Variants in LYST observed in about 807,000 individuals in gnomAD.
LYST encodes lysosomal-trafficking regulator.
LYST carries 192 observed loss-of-function variants against 413.6 expected under a neutral mutation model. That is an observed-to-expected ratio of 0.46 (90% confidence interval 0.41 to 0.52). The LOEUF is 0.52. Ranked by LOEUF, LYST falls within the 20% of genes least tolerant of loss-of-function variation. The pLI is 0.00. For missense variants in LYST, 3,815 were observed against 4,499.9 expected, an observed-to-expected ratio of 0.85 and a Z score of 4.35; for synonymous variants, 1,525 against 1,567.3, an observed-to-expected ratio of 0.97 and a Z score of 0.64.
At chr1:235,763,887 C>A (rs538854168) in intron 21 of LYST, among the ~76,000 whole-genome samples, 4 of 152,268 alleles carry the variant, frequency 2.6e-5, no homozygotes, top group African/African-American at 9.6e-5. Flanking sequence ...TCTCATTACT[C>A]TCAAATCCTC....
chr1:235,715,790 T>C (rs756067645), intron 41 of LYST, among the ~76,000 whole-genome samples: 13 of 151,696 alleles, frequency 8.6e-5, no homozygotes, highest in South Asian at 6.2e-4. Flanking sequence ...AGAAATGCAA[T>C]AGAAATGTAA....
At chr1:235,872,733 G>A (rs1277433653) in intron 1 of LYST, among the ~76,000 whole-genome samples, 3 of 152,052 alleles carry the variant, frequency 2.0e-5, no homozygotes, top group African/African-American at 7.2e-5. Flanking sequence ...TGGCCAACAT[G>A]GTGAAACCCC....
chr1:235,841,781 TGGAAGGCCAGAAAC>T (rs1677241916), intron 1 of LYST, among the ~76,000 whole-genome samples: 1 of 151,970 alleles, frequency 6.6e-6, no homozygotes, highest in Non-Finnish European at 1.5e-5. Flanking sequence ...AGAAAACAGG[TGGAAGGCCAGAAAC>T]TGAGGGAGCT....
At chr1:235,805,558 T>C (rs1177549332) in intron 6 of LYST, among the ~76,000 whole-genome samples, 185 bp downstream of exon 6, 4 of 151,008 alleles carry the variant, frequency 2.6e-5, no homozygotes, top group Non-Finnish European at 5.9e-5. Context: ...TGTGTATGTG[T>C]ATATATACAT....
intron 3 of LYST, among the ~76,000 whole-genome samples, chr1:235,825,208 C>A (rs1401806832): frequency 6.6e-6 from 1 of 152,178 alleles, no homozygotes; most frequent in Non-Finnish European, 1.5e-5. Context: ...TTCCCTCATT[C>A]TGATAAAAGG....
intron 3 of LYST, among the ~76,000 whole-genome samples, chr1:235,827,096 G>T (rs192236558): frequency 1.2e-3 from 189 of 152,116 alleles, no homozygotes; most frequent in African/African-American, 4.3e-3. Flanking sequence ...GGGCGCAGTG[G>T]CTCACACCTG....
chr1:235,864,656 G>A (rs12760043), intron 1 of LYST, among the ~76,000 whole-genome samples: 4,347 of 152,336 alleles, frequency 0.029, 115 homozygotes, highest in South Asian at 0.11. Context: ...CTGGGGCCGA[G>A]CGCAGTGGCT....
At chr1:235,727,926 TA>T in intron 38 of LYST, 149 bp downstream of exon 38, 1 of 617,030 alleles carries the variant, frequency 1.6e-6, no homozygotes. Flanking sequence ...AAATTATATT[TA>T]AAAAAATGTT....
At chr1:235,789,163 T>C (rs963420083) in intron 12 of LYST, among the ~76,000 whole-genome samples, 2 of 152,192 alleles carry the variant, frequency 1.3e-5, no homozygotes, top group Non-Finnish European at 2.9e-5. Context: ...AAGCTTCTTT[T>C]ATCAACTATG....
At chr1:235,741,095 G>T (rs12090445) in intron 31 of LYST, among the ~76,000 whole-genome samples, 1 of 152,040 alleles carries the variant, frequency 6.6e-6, no homozygotes, top group Non-Finnish European at 1.5e-5. Context: ...TGTTTCACAG[G>T]TAATATAATG....
intron 4 of LYST, among the ~76,000 whole-genome samples, chr1:235,811,260 G>A (rs1226693108): frequency 6.6e-6 from 1 of 152,134 alleles, no homozygotes; most frequent in African/African-American, 2.4e-5. Flanking sequence ...GGTATTTAGT[G>A]CTGTTGTTCA....
intron 1 of LYST, among the ~76,000 whole-genome samples, chr1:235,882,453 C>T (rs1239767177): frequency 6.6e-6 from 1 of 152,092 alleles, no homozygotes; most frequent in Non-Finnish European, 1.5e-5. Flanking sequence ...TGGATATATG[C>T]CCAAGCTTGC....
chr1:235,774,886 A>T, intron 18 of LYST, 27 bp downstream of exon 18: 1 of 1,500,554 alleles, frequency 6.7e-7, no homozygotes, highest in Non-Finnish European at 9.2e-7. Flanking sequence ...ATATGAAACT[A>T]TAAGAATAAA....
chr1:235,672,531 C>T (rs541413343), intron 50 of LYST, among the ~76,000 whole-genome samples: 1 of 152,204 alleles, frequency 6.6e-6, no homozygotes, highest in Admixed American at 6.5e-5. Flanking sequence ...TAGAAAAAAG[C>T]AACTTTGGCT....
rs753845145 is a variant in LYST, at chr1:235,759,095, T to C, written c.6758A>G (p.Gln2253Arg). ...IASLGLAFPS[Q>R]NGSAAVGRWP... The stretch of plus-strand genomic sequence containing the variant: ...ACGGCCAACAGCTGCAGATCCGTTC[T>C]GTGAAGGAAAAGCTAGCCCAAGGCT... The change falls in exon 23 of 53, where the codon CAG (glutamine) becomes CGG (arginine). Residue 2253 changes from glutamine (Q) to arginine (R), a missense_variant. Around this residue, in one of 4 missense-constraint regions of LYST, gnomAD observed 771 missense variants for 837.1 expected, o/e 0.92. Coordinates refer to ENST00000389793, the MANE Select transcript of LYST (RefSeq NM_000081.4). 8.7e-6 allele frequency: 14 copies of C among 1,614,090 alleles called. No homozygotes were observed. In the South Asian group the frequency reaches 1.5e-4, roughly 18 times the overall value.
At position 235,846,525 on chromosome 1, in the gene LYST, T is replaced by C. The variant is rs1572440083; in HGVS notation, c.-97-12858A>G. On this transcript the variant is annotated intron_variant, in intron 1 of 52. Transcript: ENST00000389793. ...GCAATAGATCCAAACCAAGAAGAAA[T>C]CCCTGATTTACCTGACAAAGAATTC... Among the ~76,000 whole-genome samples, 3 of 151,602 alleles carry C rather than the reference T, an allele frequency of 2.0e-5. No homozygotes were observed. The East Asian group carries it at 5.8e-4, about 29-fold the overall frequency.
At chr1:235,855,505 A>G (rs1679066325) in intron 1 of LYST, among the ~76,000 whole-genome samples, 1 of 152,170 alleles carries the variant, frequency 6.6e-6, no homozygotes, top group Admixed American at 6.5e-5. Flanking sequence ...GCTTATTCAT[A>G]CTGTTAAAGA....
intron 16 of LYST, among the ~76,000 whole-genome samples, chr1:235,778,609 G>C (rs967406445): frequency 1.6e-4 from 24 of 151,770 alleles, no homozygotes; most frequent in African/African-American, 5.8e-4. Context: ...GGCTGGTCTT[G>C]AACTTCTGAC....
At chr1:235,819,391 C>T (rs920792472) in intron 3 of LYST, among the ~76,000 whole-genome samples, 17 of 152,114 alleles carry the variant, frequency 1.1e-4, no homozygotes, top group African/African-American at 4.1e-4. Context: ...TTTGTGGGCA[C>T]CCTGGCAAAT....
Sources: gnomAD v4.1 joint callset for allele counts (sites outside exome capture counted in the v4.1 genomes callset) on GRCh38, gnomAD v4.1.1 for gene constraint, gnomAD v4.1.1 regional missense constraint, MANE v1.5 for transcripts, NCBI Gene and HGNC (gene_info 2026-07-23, HGNC 2026-07-21) for gene names.